Variants in SCHIP1 observed in about 807,000 individuals in gnomAD.
SCHIP1 encodes schwannomin-interacting protein 1.
Under a neutral mutation model 29.7 loss-of-function variants are expected in SCHIP1, and 8 were observed. The ratio of observed to expected loss-of-function variants is 0.27; its 90% CI spans 0.16 to 0.49. SCHIP1 has a LOEUF of 0.49. Among genes scored for constraint, SCHIP1 ranks in the 20% least tolerant of loss-of-function variants. The pLI is 0.99. For missense variants in SCHIP1, 193 were observed against 294.6 expected (o/e 0.66, Z 2.52); for synonymous variants, 76 against 94.9 (o/e 0.80, Z 1.16).
chr3:159,307,809 G>A, the SCHIP1 span, among the ~76,000 whole-genome samples: 1 of 152,210 alleles, frequency 6.6e-6, no homozygotes, highest in Non-Finnish European at 1.5e-5. Flanking sequence ...AGTTATCCCA[G>A]CACCATTTAT....
chr3:159,327,903 G>A, the SCHIP1 span, among the ~76,000 whole-genome samples: 1 of 152,182 alleles, frequency 6.6e-6, no homozygotes, highest in Admixed American at 6.5e-5. Context: ...ATAAAGGGTG[G>A]TCCAGAAAGC....
chr3:159,442,240 C>A, the SCHIP1 span, among the ~76,000 whole-genome samples: 2 of 152,194 alleles, frequency 1.3e-5, no homozygotes, highest in South Asian at 2.1e-4. Context: ...ATACTGGGAG[C>A]TTACAAAGTC....
chr3:159,379,248 G>A, the SCHIP1 span, among the ~76,000 whole-genome samples: 5 of 150,130 alleles, frequency 3.3e-5, no homozygotes, highest in South Asian at 4.2e-4. Context: ...TTGAGATAAA[G>A]TCTCACTGCA....
chr3:159,522,238 A>G, the SCHIP1 span, among the ~76,000 whole-genome samples: 3 of 152,216 alleles, frequency 2.0e-5, no homozygotes, highest in Non-Finnish European at 2.9e-5. Flanking sequence ...GGAACAAATG[A>G]TAGAGTATAA....
chr3:159,628,926 C>T, the SCHIP1 span, among the ~76,000 whole-genome samples: 2 of 151,612 alleles, frequency 1.3e-5, no homozygotes, highest in South Asian at 2.1e-4. Flanking sequence ...GGAGAATAGA[C>T]AAAGCCCACT....
chr3:159,305,253 T>A, the SCHIP1 span, among the ~76,000 whole-genome samples: 3 of 152,168 alleles, frequency 2.0e-5, no homozygotes, highest in African/African-American at 7.2e-5. Context: ...CCAAGCTGTG[T>A]CCTCAGGCTT....
the SCHIP1 span, among the ~76,000 whole-genome samples, chr3:159,378,126 A>C: frequency 3.9e-5 from 6 of 152,250 alleles, no homozygotes; most frequent in African/African-American, 1.4e-4. Context: ...CTTCAGGCTG[A>C]AAAAAGGCTA....
chr3:159,752,219 TA>T, the SCHIP1 span, among the ~76,000 whole-genome samples: 3 of 152,120 alleles, frequency 2.0e-5, no homozygotes, highest in Admixed American at 6.5e-5. Flanking sequence ...AAGAACGGAC[TA>T]AAACACCACC....
the SCHIP1 span, among the ~76,000 whole-genome samples, chr3:159,589,238 G>A: frequency 6.6e-6 from 1 of 152,140 alleles, no homozygotes; most frequent in Non-Finnish European, 1.5e-5. Context: ...TTGTGGATGC[G>A]AGTTCACTCA....
the SCHIP1 span, among the ~76,000 whole-genome samples, chr3:159,618,253 GTTT>G: frequency 3.9e-5 from 6 of 152,184 alleles, no homozygotes; most frequent in African/African-American, 1.4e-4. Context: ...TATTTCCCAG[GTTT>G]TTTAAGTTTT....
the SCHIP1 span, among the ~76,000 whole-genome samples, chr3:159,810,186 C>T: frequency 6.6e-6 from 1 of 152,142 alleles, no homozygotes; most frequent in Non-Finnish European, 1.5e-5. Flanking sequence ...GCTGGGATTA[C>T]AGGCAGGTGC....
chr3:159,687,344 T>C, the SCHIP1 span, among the ~76,000 whole-genome samples: 1 of 152,106 alleles, frequency 6.6e-6, no homozygotes, highest in Non-Finnish European at 1.5e-5. Flanking sequence ...TCAAGCTTCT[T>C]ACCCATCTCA....
the SCHIP1 span, among the ~76,000 whole-genome samples, chr3:159,457,670 A>T: frequency 6.6e-6 from 1 of 152,184 alleles, no homozygotes; most frequent in Non-Finnish European, 1.5e-5. Context: ...GTCTTCCCTT[A>T]TCCTCAGAGG....
the SCHIP1 span, among the ~76,000 whole-genome samples, chr3:159,424,115 A>G: frequency 6.7e-6 from 1 of 150,328 alleles, no homozygotes; most frequent in Non-Finnish European, 1.5e-5. Flanking sequence ...GAAAAACTGG[A>G]AACTCTAAAA....
chr3:159,848,275 G>C (rs941887229), intron 1 of SCHIP1, among the ~76,000 whole-genome samples: 6 of 152,146 alleles, frequency 3.9e-5, no homozygotes, highest in African/African-American at 1.4e-4. Context: ...TTTTCTAAGG[G>C]AGAGCGCTAG....
chr3:159,600,176 A>G, the SCHIP1 span, among the ~76,000 whole-genome samples: 2 of 152,190 alleles, frequency 1.3e-5, no homozygotes, highest in African/African-American at 2.4e-5. Flanking sequence ...GATTCTGATT[A>G]TAACATACCA....
chr3:159,880,177 C>T (rs1716293191), intron 2 of SCHIP1, among the ~76,000 whole-genome samples: 1 of 152,148 alleles, frequency 6.6e-6, no homozygotes, highest in Admixed American at 6.5e-5. Context: ...ATAATGTCCT[C>T]CCCAGTCCTC....
chr3:159,548,538 G>A, the SCHIP1 span, among the ~76,000 whole-genome samples: 1 of 151,632 alleles, frequency 6.6e-6, no homozygotes, highest in East Asian at 1.9e-4. Flanking sequence ...GAACTCCAAT[G>A]ATATATATCT....
At chr3:159,692,678 A>C in the SCHIP1 span, among the ~76,000 whole-genome samples, 1 of 152,062 alleles carries the variant, frequency 6.6e-6, no homozygotes, top group Non-Finnish European at 1.5e-5. Flanking sequence ...CTCTTTTAAA[A>C]CTCAAAGGTA....
Sources: gnomAD v4.1 joint callset for allele counts (sites outside exome capture counted in the v4.1 genomes callset) on GRCh38, gnomAD v4.1.1 for gene constraint, MANE v1.5 for transcripts, NCBI Gene and HGNC (gene_info 2026-07-23, HGNC 2026-07-21) for gene names.